Variants in PDZD2 observed in about 807,000 individuals in gnomAD.
PDZD2 encodes PDZ domain containing 2, also known as PDZ domain-containing protein 2.
PDZD2 carries 90 observed loss-of-function variants against 220.7 expected under a neutral mutation model. The ratio of observed to expected loss-of-function variants is 0.41; its 90% confidence interval spans 0.34 to 0.49. The LOEUF (loss-of-function observed/expected upper bound fraction) is 0.49. PDZD2 is among the 20% of genes least tolerant of loss of function. The pLI, the probability that PDZD2 is intolerant of heterozygous loss-of-function variation, is 0.28. For synonymous variants in PDZD2, 1,375 were observed against 1,450.5 expected, an observed-to-expected ratio of 0.95 and a Z score of 1.18; for missense variants, 3,174 against 3,608.5, an observed-to-expected ratio of 0.88 and a Z score of 3.08.
In PDZD2 at chr5:32,002,577, C is replaced by T. The variant is rs976514626; in HGVS notation, c.1254+2306C>T. On this transcript the variant is annotated intron_variant, in intron 5 of 24. Transcript: ENST00000438447. ...CATCTTTGGGTCTTATACACACACA[C>T]ACCTCACACATACCACACACACACA... 2.0e-5 allele frequency among the ~76,000 whole-genome samples: 3 copies of T among 146,644 alleles called. No individual in the cohort carries two copies. The Admixed American group carries it at 2.1e-4, about 10-fold the overall frequency.
At chr5:32,070,260 G>C (rs531985011) in intron 15 of PDZD2, among the ~76,000 whole-genome samples, 10 of 152,258 alleles carry the variant, frequency 6.6e-5, no homozygotes, top group African/African-American at 2.4e-4. Flanking sequence ...TTGCTACCTG[G>C]GAGGAAAAGG....
chr5:31,775,664 C>A (rs1465448955), intron 1 of PDZD2, among the ~76,000 whole-genome samples: 1 of 135,374 alleles, frequency 7.4e-6, no homozygotes, highest in Non-Finnish European at 1.6e-5. Context: ...ACTCACAGAG[C>A]GTGTGTGTGT....
intron 2 of PDZD2, among the ~76,000 whole-genome samples, chr5:31,876,226 G>C (rs1356913844): frequency 6.6e-6 from 1 of 150,780 alleles, no homozygotes; most frequent in Non-Finnish European, 1.5e-5. Flanking sequence ...TTTTTTCTTA[G>C]TATTGCATTC....
At chr5:31,910,383 G>A (rs1161445776) in intron 2 of PDZD2, among the ~76,000 whole-genome samples, 4 of 146,172 alleles carry the variant, frequency 2.7e-5, no homozygotes, top group Non-Finnish European at 4.5e-5. Flanking sequence ...ACCATGCCTG[G>A]CTAATTTTTA....
intron 24 of PDZD2, among the ~76,000 whole-genome samples, chr5:32,102,917 C>T (rs1188740643): frequency 6.6e-6 from 1 of 152,094 alleles, no homozygotes; most frequent in Non-Finnish European, 1.5e-5. Flanking sequence ...AAAGTAAAAA[C>T]TAAATGCACA....
intron 1 of PDZD2, among the ~76,000 whole-genome samples, chr5:31,735,093 T>A (rs1749771575): frequency 6.6e-6 from 1 of 152,182 alleles, no homozygotes; most frequent in African/African-American, 2.4e-5. Flanking sequence ...TTGCCCAGCG[T>A]TGAACCCTCC....
intron 11 of PDZD2, 63 bp downstream of exon 11, chr5:32,057,791 G>A: frequency 7.0e-7 from 1 of 1,432,658 alleles, no homozygotes; most frequent in East Asian, 2.3e-5. Context: ...TTCTGGCTTG[G>A]GTTTGGTGAG....
rs573561938 is a variant in PDZD2, at chr5:31,713,736, AG to A, written c.-361+74302del. On this transcript the variant is annotated intron_variant, in intron 1 of 24. Coordinates refer to ENST00000438447, the MANE Select transcript of PDZD2 (RefSeq NM_178140.4). ...CTAATTTTGTATTTTTAATAGAGAC[AG>A]GGTTTCACCATGTTGGCTAGGCTGG... Among the ~76,000 whole-genome samples, 350 of 152,304 alleles carry A rather than the reference AG, an allele frequency of 2.3e-3. 6 individuals carry two copies. The highest frequency in any genetic ancestry group is 8.2e-3 in the African/African-American group (340 of 41,570).
At position 31,836,228 on chromosome 5, in the gene PDZD2, C is replaced by CTTTTTTT. The variant is rs34323361; in HGVS notation, c.476+36514_476+36520dup. 4.3e-4 allele frequency among the ~76,000 whole-genome samples: 52 copies of CTTTTTTT among 122,142 alleles called. 2 individuals carry two copies. The highest frequency in any genetic ancestry group is 6.0e-4 in the Non-Finnish European group (37 of 61,248). The allele number at this position is 122,142 out of a possible 152,430, so 80.1% of individuals were successfully genotyped here. ...TATAAACCAATAGTAATTTTATTGG[C>CTTTTTTT]TTTTTTTTTTTTTTTTGAGACAGAG... On this transcript the variant is annotated intron_variant, in intron 2 of 24. Coordinates refer to ENST00000438447, the MANE Select transcript of PDZD2 (RefSeq NM_178140.4).
At chr5:31,946,533 T>G (rs893070207) in intron 2 of PDZD2, among the ~76,000 whole-genome samples, 1 of 152,220 alleles carries the variant, frequency 6.6e-6, no homozygotes, top group Non-Finnish European at 1.5e-5. Context: ...CATGTCAGAA[T>G]GTTTTTATGG....
At chr5:31,866,977 G>A (rs1158146295) in intron 2 of PDZD2, among the ~76,000 whole-genome samples, 2 of 152,184 alleles carry the variant, frequency 1.3e-5, no homozygotes, top group Non-Finnish European at 2.9e-5. Context: ...GTGAAGTTCA[G>A]CCCAAAAGGT....
At chr5:31,995,550 ATGGTG>A (rs749266085) in intron 3 of PDZD2, 21 bp from the exon 4 acceptor site, 121 of 1,613,662 alleles carry the variant, frequency 7.5e-5, no homozygotes, top group Non-Finnish European at 9.5e-5. Flanking sequence ...AACCTCCTTC[ATGGTG>A]TGCTCACTTT....
intron 2 of PDZD2, among the ~76,000 whole-genome samples, chr5:31,954,121 C>CT (rs1747438269): frequency 6.6e-6 from 1 of 150,796 alleles, no homozygotes; most frequent in Non-Finnish European, 1.5e-5. Context: ...GTCCCTGTCT[C>CT]TTAAAAAAAA....
chr5:31,888,838 GGC>G (rs1209938136), intron 2 of PDZD2, among the ~76,000 whole-genome samples: 3 of 150,944 alleles, frequency 2.0e-5, no homozygotes, highest in Non-Finnish European at 4.4e-5. Context: ...GATGATACAG[GGC>G]ATGGGATCTC....
intron 2 of PDZD2, among the ~76,000 whole-genome samples, chr5:31,850,243 TACAC>T (rs1554082942): frequency 8.2e-6 from 1 of 122,232 alleles, no homozygotes. Context: ...TATATATATA[TACAC>T]ACACACACAC....
At chr5:32,100,965 T>TAAGTA (rs770459648) in intron 23 of PDZD2, 140 bp from the exon 24 acceptor site, 1 of 1,602,270 alleles carries the variant, frequency 6.2e-7, no homozygotes, top group South Asian at 1.1e-5. Context: ...CTGTTATAAG[T>TAAGTA]AAGTAAGTGC....
chr5:32,102,095 A>G (rs1195796671), intron 24 of PDZD2, among the ~76,000 whole-genome samples: 1 of 152,154 alleles, frequency 6.6e-6, no homozygotes, highest in African/African-American at 2.4e-5. Flanking sequence ...TCCACTCTTG[A>G]CCTATAGTGT....
chr5:31,897,411 C>T (rs1465263897), intron 2 of PDZD2, among the ~76,000 whole-genome samples: 2 of 152,084 alleles, frequency 1.3e-5, no homozygotes, highest in African/African-American at 2.4e-5. Context: ...GTCCTCTCAG[C>T]CCTCAGAGTG....
rs374724737 is a variant in PDZD2, at chr5:31,764,145, A to G, written c.-360-34744A>G. ...AAACTTTTTACACGCTTCCATCCAC[A>G]CTCATTCCCTTCACGGCATCAGCCC... is the stretch of plus-strand genomic sequence containing the variant. On this transcript the variant is annotated intron_variant, in intron 1 of 24. Coordinates refer to ENST00000438447, the MANE Select transcript of PDZD2 (RefSeq NM_178140.4). Among the ~76,000 whole-genome samples the G allele has an allele frequency of 6.6e-5, 10 of 152,200 alleles. No individual in the cohort carries two copies. In the East Asian group the frequency reaches 1.2e-3, roughly 18 times the overall value.
Sources: allele counts gnomAD v4.1 joint callset (sites outside exome capture counted in the v4.1 genomes callset), GRCh38; gene constraint gnomAD v4.1.1; transcripts MANE v1.5; gene names NCBI Gene and HGNC (gene_info 2026-07-23, HGNC 2026-07-21).